Variants in SLC36A1 observed in about 807,000 individuals in gnomAD.
The protein encoded by SLC36A1 is proton-coupled amino acid transporter 1.
Under a neutral mutation model 47.5 loss-of-function variants are expected in SLC36A1, and 30 were observed. That is an observed-to-expected ratio of 0.63 (90% CI 0.47 to 0.86). SLC36A1 has a LOEUF of 0.86. Among genes scored for constraint, SLC36A1 ranks in the 40% least tolerant of loss-of-function variants. The pLI is 0.00. For missense variants in SLC36A1, 517 were observed against 606.0 expected, an observed-to-expected ratio of 0.85 and a Z score of 1.54; for synonymous variants, 255 against 249.7, an observed-to-expected ratio of 1.02 and a Z score of -0.20.
chr5:151,519,253 A>C, the SLC36A1 span, among the ~76,000 whole-genome samples: 1 of 152,250 alleles, frequency 6.6e-6, no homozygotes, highest in Non-Finnish European at 1.5e-5. Context: ...CTGAGGCAGC[A>C]GACTTGCTTG....
the SLC36A1 span, chr5:151,549,646 C>T: frequency 7.6e-6 from 5 of 660,520 alleles, no homozygotes; most frequent in Non-Finnish European, 1.3e-5. Context: ...AAATGTTGTT[C>T]TAATCTATAT....
chr5:151,382,254 C>T, the SLC36A1 span: 1 of 1,335,784 alleles, frequency 7.5e-7, no homozygotes, highest in Non-Finnish European at 1.1e-6. Context: ...TCACTACCAG[C>T]CTGGGAGCTA....
At chr5:151,545,714 A>G in the SLC36A1 span, 9 of 1,614,028 alleles carry the variant, frequency 5.6e-6, no homozygotes, top group South Asian at 8.8e-5. Flanking sequence ...TCCGGCTCCA[A>G]AATTTTATAG....
chr5:151,486,810 A>T (rs998398175), intron 10 of SLC36A1, among the ~76,000 whole-genome samples: 1 of 152,236 alleles, frequency 6.6e-6, no homozygotes, highest in African/African-American at 2.4e-5. Flanking sequence ...ACTATATTTG[A>T]TTGCTAACAG....
chr5:151,371,086 C>T, the SLC36A1 span, among the ~76,000 whole-genome samples: 48 of 152,162 alleles, frequency 3.2e-4, 1 homozygote, highest in Admixed American at 5.2e-4. Flanking sequence ...ACTTACTAGA[C>T]GTCAGTAGCA....
the SLC36A1 span, chr5:151,507,547 C>A: frequency 2.9e-5 from 47 of 1,614,124 alleles, no homozygotes; most frequent in Admixed American, 4.5e-4. Flanking sequence ...CCCCAGTCCC[C>A]CCTTTGGATC....
chr5:151,550,495 G>C, the SLC36A1 span: 2 of 1,388,460 alleles, frequency 1.4e-6, no homozygotes, highest in Non-Finnish European at 2.0e-6. Context: ...TGGTCCTTAT[G>C]AGGGGAAGGG....
At chr5:151,467,323 AGAGCGAG>A in intron 6 of SLC36A1, 40 bp downstream of exon 6, 1 of 1,190,628 alleles carries the variant, frequency 8.4e-7, no homozygotes, top group Non-Finnish European at 1.2e-6. Flanking sequence ...AAAAAAAACC[AGAGCGAG>A]AATGGCAAAA....
chr5:151,534,354 G>C, the SLC36A1 span: 1 of 1,430,114 alleles, frequency 7.0e-7, no homozygotes, highest in Non-Finnish European at 9.5e-7. Context: ...CCAAACCCTT[G>C]CCCAAGGTGA....
the SLC36A1 span, among the ~76,000 whole-genome samples, chr5:151,519,799 T>C: frequency 6.6e-6 from 1 of 152,204 alleles, no homozygotes; most frequent in East Asian, 1.9e-4. Flanking sequence ...TGGTGATCCA[T>C]GAGTTTATCT....
intron 5 of SLC36A1, among the ~76,000 whole-genome samples, chr5:151,465,682 C>T (rs1313649709): frequency 1.3e-5 from 2 of 152,122 alleles, no homozygotes; most frequent in Admixed American, 1.3e-4. Flanking sequence ...GCTAGGAGTA[C>T]ACCCTCAGTG....
the SLC36A1 span, chr5:151,506,110 A>G: frequency 2.7e-6 from 4 of 1,502,056 alleles, no homozygotes; most frequent in Admixed American, 6.9e-5. Context: ...GAAAGGGAAC[A>G]GCAAGATAGG....
the SLC36A1 span, chr5:151,545,949 G>A: frequency 1.2e-6 from 2 of 1,614,140 alleles, no homozygotes; most frequent in Non-Finnish European, 1.7e-6. Context: ...TTTTCAGCTG[G>A]TAAGACGAGA....
At chr5:151,504,074 G>A in the SLC36A1 span, 2 of 152,362 alleles carry the variant, frequency 1.3e-5, no homozygotes, top group East Asian at 3.9e-4. Flanking sequence ...CCCCAAACAG[G>A]CTAAAGGACA....
the SLC36A1 span, chr5:151,528,013 C>T: frequency 6.2e-7 from 1 of 1,614,150 alleles, no homozygotes; most frequent in Non-Finnish European, 8.5e-7. Flanking sequence ...CGGTCCAGGG[C>T]CTTGGCCACC....
the SLC36A1 span, chr5:151,378,673 GCCA>G: frequency 6.5e-6 from 1 of 154,878 alleles, no homozygotes; most frequent in Non-Finnish European, 1.5e-5. Flanking sequence ...CAGCACCACA[GCCA>G]CCATCTGCCA....
the SLC36A1 span, chr5:151,505,188 A>C: frequency 3.2e-6 from 1 of 317,276 alleles, no homozygotes; most frequent in African/African-American, 2.2e-5. Flanking sequence ...GGCAGGTATG[A>C]GAATGCATCT....
At chr5:151,456,800 C>T (rs542684287) in intron 1 of SLC36A1, among the ~76,000 whole-genome samples, 7 of 152,270 alleles carry the variant, frequency 4.6e-5, no homozygotes, top group African/African-American at 1.4e-4. Flanking sequence ...TGCGATCTCC[C>T]GTGGATCTCT....
At chr5:151,438,686 TCCTTTGACATATGCTCTGCA>T (rs1431825798) in intron 1 of SLC36A1, among the ~76,000 whole-genome samples, 3 of 152,206 alleles carry the variant, frequency 2.0e-5, no homozygotes, top group Non-Finnish European at 4.4e-5. Flanking sequence ...TTCTCTGGCA[TCCTTTGACATATGCTCTGCA>T]GGTCTCTGTC....
Sources: allele counts gnomAD v4.1 joint callset (sites outside exome capture counted in the v4.1 genomes callset), GRCh38; gene constraint gnomAD v4.1.1; transcripts MANE v1.5; gene names NCBI Gene and HGNC (gene_info 2026-07-23, HGNC 2026-07-21).